Variants in MYO5B observed in about 807,000 individuals in gnomAD.
MYO5B encodes myosin VB.
In MYO5B, 143 loss-of-function variants were observed where a neutral mutation model predicts 229.3. That is an observed-to-expected ratio of 0.62 (90% confidence interval 0.54 to 0.72). MYO5B has a LOEUF of 0.72. MYO5B is among the 30% of genes least tolerant of loss of function. The pLI, the probability that MYO5B is intolerant of heterozygous loss-of-function variation, is 0.00. For synonymous variants in MYO5B, 918 were observed against 885.2 expected (o/e 1.04, Z -0.66); for missense variants, 2,321 against 2,331.0 (o/e 1.00, Z 0.09).
intron 4 of MYO5B, among the ~76,000 whole-genome samples, chr18:50,015,942 T>C (rs966428268): frequency 6.6e-6 from 1 of 152,246 alleles, no homozygotes; most frequent in Non-Finnish European, 1.5e-5. Context: ...CCTGGTCATC[T>C]TGAGCACTAT....
chr18:49,861,752 G>C (rs1333567477), intron 29 of MYO5B, among the ~76,000 whole-genome samples: 1 of 152,122 alleles, frequency 6.6e-6, no homozygotes, highest in Non-Finnish European at 1.5e-5. Flanking sequence ...CACCCCCCCG[G>C]GCCTCAGTCT....
chr18:50,099,974 G>C (rs1049158892), intron 1 of MYO5B, among the ~76,000 whole-genome samples: 6 of 152,206 alleles, frequency 3.9e-5, no homozygotes, highest in African/African-American at 1.2e-4. Context: ...TCTACACACA[G>C]ATTCTCAGTG....
chr18:50,074,985 A>T (rs1164638197), intron 1 of MYO5B, among the ~76,000 whole-genome samples: 3 of 152,054 alleles, frequency 2.0e-5, no homozygotes, highest in African/African-American at 7.2e-5. Flanking sequence ...CACCCTGTAG[A>T]GACAGGGTTT....
Position 49,894,560 on chromosome 18 carries a change from CCAGAAGCTGCCCTCCCCTGCAGG to C in MYO5B, c.3045+358_3045+380del, listed in dbSNP as rs371183111. 6.1e-3 allele frequency among the ~76,000 whole-genome samples: 932 copies of C among 152,272 alleles called. 10 individuals are homozygous for C. Among genetic ancestry groups the C allele is most frequent in the African/African-American group, 0.017 (701 of 41,540 alleles). ...AGTGCTGCATCATGGGCAAGGGTGC[CCAGAAGCTGCCCTCCCCTGCAGG>C]CAGCATCAAGATCAGCCCCAGCCTC... On this transcript the variant is annotated intron_variant, in intron 22 of 39. Transcript: ENST00000285039.
At chr18:50,064,424 A>T (rs1030969545) in intron 1 of MYO5B, 4 of 152,226 alleles carry the variant, frequency 2.6e-5, no homozygotes, top group African/African-American at 9.6e-5. Flanking sequence ...AGTAGCTAAA[A>T]CTGTTAAAAT....
In MYO5B at chr18:49,894,880, G is replaced by C. The variant is rs989949184; in HGVS notation, c.3045+61C>G. On this transcript the variant is annotated intron_variant, in intron 22 of 39. Coordinates refer to ENST00000285039, the MANE Select transcript of MYO5B (RefSeq NM_001080467.3). ...CTTGAAGCAGCAGTGCTCTCTGAGAGGTGGCTCCGTGTGCCCACCCACTCT... is the reference window on the plus strand; with the variant it reads ...CTTGAAGCAGCAGTGCTCTCTGAGACGTGGCTCCGTGTGCCCACCCACTCT... 8.4e-6 allele frequency: 12 copies of C among 1,427,458 alleles called. No homozygotes were observed. In the Admixed American group the frequency reaches 1.3e-4, roughly 16 times the overall value. The allele number at this position is 1,427,458 out of a possible 1,614,324, so 88.4% of individuals were successfully genotyped here.
chr18:49,947,306 C>A (rs1377538013), intron 14 of MYO5B, among the ~76,000 whole-genome samples: 1 of 151,810 alleles, frequency 6.6e-6, no homozygotes, highest in East Asian at 1.9e-4. Flanking sequence ...GGGGTTTCGC[C>A]ATGTTAGCCA....
chr18:50,039,634 A>C (rs1388884715), intron 3 of MYO5B, among the ~76,000 whole-genome samples: 1 of 152,192 alleles, frequency 6.6e-6, no homozygotes, highest in African/African-American at 2.4e-5. Context: ...CCCGGCGGAA[A>C]GGAAAAGTTT....
chr18:50,068,190 A>G (rs2030870579), intron 1 of MYO5B, among the ~76,000 whole-genome samples: 1 of 152,232 alleles, frequency 6.6e-6, no homozygotes, highest in African/African-American at 2.4e-5. Context: ...GGTAGCCAAT[A>G]AAGCTTTTGT....
chr18:50,127,228 C>T (rs1319796992), intron 1 of MYO5B, among the ~76,000 whole-genome samples: 1 of 152,182 alleles, frequency 6.6e-6, no homozygotes, highest in African/African-American at 2.4e-5. Context: ...TTTCTAGCAT[C>T]TCAACCATAT....
chr18:50,160,857 T>C (rs2032754814), intron 1 of MYO5B, among the ~76,000 whole-genome samples: 1 of 152,190 alleles, frequency 6.6e-6, no homozygotes, highest in South Asian at 2.1e-4. Context: ...GTGTGGAGAC[T>C]GCATTCCTGT....
intron 13 of MYO5B, 150 bp downstream of exon 13, chr18:49,954,163 G>A: frequency 1.7e-6 from 2 of 1,157,880 alleles, no homozygotes; most frequent in East Asian, 5.1e-5. Flanking sequence ...GAAGTAGAGG[G>A]GTGGGTAAAA....
Position 49,957,698 on chromosome 18 carries a change from A to C in MYO5B, c.1546-3263T>G, listed in dbSNP as rs1256888161. 2.7e-5 allele frequency among the ~76,000 whole-genome samples: 4 copies of C among 146,724 alleles called. No individual in the cohort carries two copies. In the East Asian group the frequency reaches 6.0e-4, roughly 22 times the overall value. On this transcript the variant is annotated intron_variant, in intron 12 of 39. Transcript: ENST00000285039. ...AAAAAAAGCCAAAAAAAAAAAAAAA[A>C]CCAGACCCCAAGGCCAGTTATTCTA...
intron 5 of MYO5B, among the ~76,000 whole-genome samples, chr18:49,996,910 T>C (rs1364060724): frequency 6.6e-6 from 1 of 152,144 alleles, no homozygotes; most frequent in African/African-American, 2.4e-5. Flanking sequence ...GGAGATAAGA[T>C]TGGTAAGGTG....
At chr18:49,953,948 C>A (rs189542288) in intron 13 of MYO5B, among the ~76,000 whole-genome samples, 1 of 34,316 alleles carries the variant, frequency 2.9e-5, no homozygotes, top group South Asian at 1.1e-3. Flanking sequence ...TATATATATA[C>A]AGACATGTGT....
intron 33 of MYO5B, among the ~76,000 whole-genome samples, chr18:49,846,492 C>T (rs2024129686): frequency 6.6e-6 from 1 of 152,180 alleles, no homozygotes; most frequent in African/African-American, 2.4e-5. Context: ...CAGCCACGGC[C>T]ATGTGCGGCT....
chr18:49,968,776 CT>C (rs2025655814), intron 10 of MYO5B, among the ~76,000 whole-genome samples: 1 of 152,136 alleles, frequency 6.6e-6, no homozygotes, highest in African/African-American at 2.4e-5. Flanking sequence ...AGGGCACTGA[CT>C]TTTTTAGCTT....
In MYO5B at chr18:49,863,343, T is replaced by C; in HGVS notation, c.3844-16A>G. 1.2e-6 allele frequency: 2 copies of C among 1,609,318 alleles called. No homozygotes were observed. Among genetic ancestry groups the C allele is most frequent in the Non-Finnish European group, 1.7e-6 (2 of 1,176,264 alleles). ...TGTTCGGCTCCTAGAAAGCCCCAGA[T>C]AAAAAAATAACTCTGGTTAAACAAT... On this transcript the variant is annotated splice_polypyrimidine_tract_variant and intron_variant, in intron 28 of 39. Transcript: ENST00000285039.
chr18:50,194,910 G>A lies in MYO5B; in HGVS notation c.-117C>T. ...TGGCCTGGAGTTTCTCGATCTTCTC[G>A]CTCTTCTCCGACCTGCCCCGCCGGC... On this transcript the variant is annotated 5_prime_UTR_variant, in exon 1 of 40. Transcript: ENST00000285039. 1 of 1,204,500 alleles carries A rather than the reference G, an allele frequency of 8.3e-7. No homozygotes were observed. Among genetic ancestry groups the A allele is most frequent in the Non-Finnish European group, 1.0e-6 (1 of 968,628 alleles). 74.6% of individuals were successfully genotyped at this position (1,204,500 alleles called of 1,614,324 possible).
Sources: allele counts gnomAD v4.1 joint callset (sites outside exome capture counted in the v4.1 genomes callset), GRCh38; gene constraint gnomAD v4.1.1; transcripts MANE v1.5; gene names NCBI Gene and HGNC (gene_info 2026-07-23, HGNC 2026-07-21).